SOX30: variants seen among roughly 807,000 people sequenced by gnomAD.
SOX30 encodes the protein SRY-box transcription factor 30.
SOX30 carries 17 observed loss-of-function variants against 58.6 expected under a neutral mutation model. That is an observed-to-expected ratio of 0.29 (90% CI 0.20 to 0.44). The LOEUF (loss-of-function observed/expected upper bound fraction) is 0.44, where lower values mean the gene tolerates loss of function less well. SOX30 is among the 20% of genes least tolerant of loss of function. The pLI, the probability that SOX30 is intolerant of heterozygous loss-of-function variation, is 1.00. For synonymous variants in SOX30, 421 were observed against 400.2 expected, an observed-to-expected ratio of 1.05 and a Z score of -0.62; for missense variants, 951 against 965.8, an observed-to-expected ratio of 0.98 and a Z score of 0.20.
At chr5:157,639,577 T>C (rs1759013816) in intron 3 of SOX30, among the ~76,000 whole-genome samples, 1 of 152,122 alleles carries the variant, frequency 6.6e-6, no homozygotes, top group Admixed American at 6.6e-5. Flanking sequence ...TTTTTAAAGG[T>C]AGGTGAAACA....
chr5:157,646,578 G>C, intron 3 of SOX30, 59 bp downstream of exon 3: 2 of 1,258,192 alleles, frequency 1.6e-6, no homozygotes, highest in East Asian at 2.4e-5. Context: ...CTTCAAACTT[G>C]AGGTAAAATT....
chr5:157,643,892 A>T (rs1759129648), intron 3 of SOX30, among the ~76,000 whole-genome samples: 1 of 152,148 alleles, frequency 6.6e-6, no homozygotes, highest in South Asian at 2.1e-4. Context: ...GTGTGCTATA[A>T]TCTGTTCTAA....
At chr5:157,636,969 A>C (rs183101422) in intron 4 of SOX30, among the ~76,000 whole-genome samples, 44 of 152,098 alleles carry the variant, frequency 2.9e-4, no homozygotes, top group African/African-American at 8.2e-4. Flanking sequence ...CTCTATTAAA[A>C]ACACACAAAA....
rs142572629 is a variant in SOX30, at chr5:157,626,518, G to A, written c.2084C>T (p.Ser695Phe). Reference protein sequence around the residue: ...SRSCENMNGTSYYNSHSHSGE... With the variant: ...SRSCENMNGTFYYNSHSHSGE... ...ACTGTGGCTATGACTGTTATAGTAA[G>A]AAGTTCCATTCATGTTCTCACAACT... The change falls in exon 5 of 5, where the codon TCT becomes TTT. Residue 695 changes from serine (S) to phenylalanine (F), a missense_variant. Transcript: ENST00000265007. 9.9e-6 allele frequency: 16 copies of A among 1,614,192 alleles called. No individual in the cohort carries two copies. In the African/African-American group the frequency reaches 2.0e-4, roughly 20 times the overall value.
At chr5:157,630,960 A>C (rs1242052435) in intron 4 of SOX30, among the ~76,000 whole-genome samples, 2 of 135,952 alleles carry the variant, frequency 1.5e-5, no homozygotes, top group Non-Finnish European at 3.1e-5. Context: ...TATTGTATAT[A>C]TATACACTAT....
chr5:157,669,474 C>T (rs1015440226), intron 1 of SOX30, among the ~76,000 whole-genome samples: 72 of 148,550 alleles, frequency 4.8e-4, no homozygotes, highest in African/African-American at 1.4e-3. Context: ...TGTGAGCCAC[C>T]GCGCCCATCA....
intron 1 of SOX30, chr5:157,667,983 A>C: frequency 9.9e-7 from 1 of 1,008,294 alleles, no homozygotes; most frequent in Non-Finnish European, 1.4e-6. Flanking sequence ...CAAGAAAACC[A>C]AGGCACAGAG....
At chr5:157,653,250 A>T, upstream of SOX30, among the ~76,000 whole-genome samples, 1 of 152,214 alleles carries the variant, frequency 6.6e-6, no homozygotes, top group East Asian at 1.9e-4. Context: ...TGACTCTGAA[A>T]ATCAGATAAA....
At chr5:157,661,587 G>A (rs907782794) in intron 2 of SOX30, among the ~76,000 whole-genome samples, 1 of 152,192 alleles carries the variant, frequency 6.6e-6, no homozygotes, top group African/African-American at 2.4e-5. Context: ...CAAATGTCAT[G>A]CCAGATTTGG....
intron 3 of SOX30, among the ~76,000 whole-genome samples, chr5:157,645,875 C>T (rs1759178515): frequency 1.3e-5 from 2 of 151,980 alleles, no homozygotes; most frequent in African/African-American, 2.4e-5. Context: ...ACAAAATTAG[C>T]CGGGTGTGAT....
At chr5:157,634,488 G>A (rs1010171213) in intron 4 of SOX30, among the ~76,000 whole-genome samples, 1 of 150,774 alleles carries the variant, frequency 6.6e-6, no homozygotes, top group Non-Finnish European at 1.5e-5. Context: ...AAGTGTGTTG[G>A]GATTACAGGC....
intron 2 of SOX30, among the ~76,000 whole-genome samples, 193 bp downstream of exon 2, chr5:157,648,464 T>G (rs1184996218): frequency 6.6e-6 from 1 of 152,198 alleles, no homozygotes; most frequent in Non-Finnish European, 1.5e-5. Context: ...CAGATATCCC[T>G]TTGCTTGGTT....
chr5:157,652,492 G>C (rs1417203507), upstream of SOX30: 1 of 618,754 alleles, frequency 1.6e-6, no homozygotes, highest in Non-Finnish European at 2.0e-6. Context: ...AGGGAATGAA[G>C]TCTTGCGTCA....
chr5:157,671,111 A>G (rs760746420), intron 1 of SOX30, among the ~76,000 whole-genome samples: 1 of 152,174 alleles, frequency 6.6e-6, no homozygotes. Flanking sequence ...CCGGAAAGAC[A>G]CCAGTCTTGA....
chr5:157,635,125 T>C (rs1235339579), intron 4 of SOX30, among the ~76,000 whole-genome samples: 1 of 152,164 alleles, frequency 6.6e-6, no homozygotes, highest in African/African-American at 2.4e-5. Context: ...GAAAAACAAC[T>C]GAAAAATATT....
intron 3 of SOX30, among the ~76,000 whole-genome samples, chr5:157,640,509 C>T (rs1221991576): frequency 6.6e-6 from 1 of 151,994 alleles, no homozygotes; most frequent in Non-Finnish European, 1.5e-5. Context: ...GCGCACTGAC[C>T]ACCAGACCTT....
chr5:157,651,967 G>C lies in SOX30; in HGVS notation c.112C>G (p.Pro38Ala), dbSNP rs1224608170. The change falls in exon 1 of 5, where the codon CCG becomes GCG. Residue 38 changes from proline to alanine, a missense_variant. By Grantham distance (27) the Pro-to-Ala change is conservative. Transcript: ENST00000265007. ...SFWAAAMEPPPSSPTLSAAAS... is the reference protein window; with the variant it reads ...SFWAAAMEPPASSPTLSAAAS... The stretch of plus-strand genomic sequence containing the variant: ...GCCGCGCTCAGTGTGGGAGACGACG[G>C]AGGGGGCTCCATGGCTGCTGCCCAA... 3.4e-6 allele frequency: 5 copies of C among 1,462,044 alleles called. No homozygotes were observed. Among genetic ancestry groups the C allele is most frequent in the Middle Eastern group, 1.8e-4 (1 of 5,564 alleles). The allele number at this position is 1,462,044 out of a possible 1,614,324, so 90.6% of individuals were successfully genotyped here.
intron 3 of SOX30, among the ~76,000 whole-genome samples, chr5:157,639,058 T>C (rs549478517): frequency 8.5e-4 from 130 of 152,276 alleles, no homozygotes; most frequent in Admixed American, 2.7e-3. Flanking sequence ...ATTTTTTAGA[T>C]GAATAAACAA....
upstream of SOX30, among the ~76,000 whole-genome samples, chr5:157,656,385 A>G (rs1759473117): frequency 6.6e-6 from 1 of 152,244 alleles, no homozygotes; most frequent in Admixed American, 6.5e-5. Flanking sequence ...CAGGTCAGAT[A>G]TTAGGTTTGC....
Sources: gnomAD v4.1 joint callset for allele counts (sites outside exome capture counted in the v4.1 genomes callset) on GRCh38, gnomAD v4.1.1 for gene constraint, MANE v1.5 for transcripts, NCBI Gene and HGNC (gene_info 2026-07-23, HGNC 2026-07-21) for gene names.